Variants in MALRD1 observed in about 807,000 individuals in gnomAD.
MALRD1 encodes the protein MAM and LDL-receptor class A domain-containing protein 1.
In MALRD1, 247 loss-of-function variants were observed where a neutral mutation model predicts 242.1. That is an observed-to-expected ratio of 1.02 (90% CI 0.92 to 1.13). The LOEUF (loss-of-function observed/expected upper bound fraction) is 1.13. MALRD1 is among the 50% of genes most tolerant of loss of function. The pLI is 0.00. For synonymous variants in MALRD1, 995 were observed against 866.6 expected, an observed-to-expected ratio of 1.15 and a Z score of -2.60; for missense variants, 2,989 against 2,533.1, an observed-to-expected ratio of 1.18 and a Z score of -3.86.
intron 28 of MALRD1, among the ~76,000 whole-genome samples, chr10:19,393,421 A>T (rs1204906980): frequency 1.3e-5 from 2 of 149,954 alleles, no homozygotes; most frequent in Non-Finnish European, 3.0e-5. Context: ...TTTTCTAGTC[A>T]CTTGTTTCCT....
intron 17 of MALRD1, among the ~76,000 whole-genome samples, 163 bp from the exon 18 acceptor site, chr10:19,209,103 CTT>C (rs933880905): frequency 2.6e-5 from 4 of 151,880 alleles, no homozygotes; most frequent in Admixed American, 6.6e-5. Flanking sequence ...AACAAAAACT[CTT>C]TTTTTAAAAA....
chr10:19,712,841 A>T (rs1181385588), intron 38 of MALRD1, among the ~76,000 whole-genome samples: 6 of 152,206 alleles, frequency 3.9e-5, no homozygotes, highest in African/African-American at 1.4e-4. Flanking sequence ...TAGCCAGCAA[A>T]AGCATGTTGA....
At chr10:19,275,073 TTTTC>T (rs1190122959) in intron 19 of MALRD1, among the ~76,000 whole-genome samples, 1 of 151,986 alleles carries the variant, frequency 6.6e-6, no homozygotes, top group Non-Finnish European at 1.5e-5. Flanking sequence ...TATAGAAAGG[TTTTC>T]TTTCTTTCTA....
At chr10:19,713,405 C>T (rs1339612863) in intron 38 of MALRD1, among the ~76,000 whole-genome samples, 1 of 152,160 alleles carries the variant, frequency 6.6e-6, no homozygotes, top group Admixed American at 6.5e-5. Context: ...AGTTGGAGCT[C>T]AAATAATGTT....
chr10:19,680,611 T>C (rs982949475), intron 36 of MALRD1, among the ~76,000 whole-genome samples: 10 of 152,154 alleles, frequency 6.6e-5, no homozygotes, highest in African/African-American at 1.4e-4. Flanking sequence ...CTGTGTCTTT[T>C]AACTGGGGCA....
intron 39 of MALRD1, among the ~76,000 whole-genome samples, chr10:19,733,005 T>C (rs1835356892): frequency 6.6e-6 from 1 of 152,240 alleles, no homozygotes; most frequent in South Asian, 2.1e-4. Flanking sequence ...CTGACCTTTG[T>C]GGCTATTTTG....
chr10:19,085,375 A>T (rs1478551747), intron 2 of MALRD1, among the ~76,000 whole-genome samples: 2 of 152,024 alleles, frequency 1.3e-5, no homozygotes, highest in African/African-American at 2.4e-5. Flanking sequence ...ATACTAAAGG[A>T]GCAAGGTAAA....
chr10:19,314,822 T>C (rs542655426), intron 21 of MALRD1, among the ~76,000 whole-genome samples: 1 of 151,286 alleles, frequency 6.6e-6, no homozygotes, highest in East Asian at 1.9e-4. Flanking sequence ...ACCAAAAAAA[T>C]TTCTGACCCC....
chr10:19,226,083 G>T (rs973921287), intron 18 of MALRD1, among the ~76,000 whole-genome samples: 1 of 152,042 alleles, frequency 6.6e-6, no homozygotes, highest in African/African-American at 2.4e-5. Context: ...TAACCATTAT[G>T]AACTTAGATG....
intron 5 of MALRD1, among the ~76,000 whole-genome samples, chr10:19,111,233 C>G (rs1005883781): frequency 6.6e-6 from 1 of 152,058 alleles, no homozygotes; most frequent in South Asian, 2.1e-4. Flanking sequence ...CAAAAGCAAT[C>G]ATAGTACAAG....
intron 29 of MALRD1, among the ~76,000 whole-genome samples, chr10:19,452,787 A>T (rs1166066189): frequency 6.6e-6 from 1 of 152,104 alleles, no homozygotes; most frequent in East Asian, 1.9e-4. Flanking sequence ...AGATGGTGAG[A>T]ATGGTATTTA....
chr10:19,124,418 T>C, intron 6 of MALRD1, 106 bp from the exon 7 acceptor site: 1 of 916,810 alleles, frequency 1.1e-6, no homozygotes. Context: ...TGTGTGCTGA[T>C]GTGTATGTGT....
intron 7 of MALRD1, among the ~76,000 whole-genome samples, chr10:19,125,317 CCTTCCTT>C (rs1564407887): frequency 6.7e-4 from 52 of 77,976 alleles, no homozygotes; most frequent in African/African-American, 2.7e-3. Flanking sequence ...TTCCTTCCTT[CCTTCCTT>C]CTTTCTTTCT....
chr10:19,510,973 A>G (rs1833376872), intron 31 of MALRD1, among the ~76,000 whole-genome samples: 1 of 152,216 alleles, frequency 6.6e-6, no homozygotes, highest in Admixed American at 6.5e-5. Flanking sequence ...GCCAACAGGT[A>G]GTCCAAAACA....
At chr10:19,550,613 G>A (rs1201344324) in intron 32 of MALRD1, among the ~76,000 whole-genome samples, 1 of 152,044 alleles carries the variant, frequency 6.6e-6, no homozygotes, top group Non-Finnish European at 1.5e-5. Flanking sequence ...TTCTGTTCCA[G>A]CATTAGTTTC....
intron 18 of MALRD1, among the ~76,000 whole-genome samples, chr10:19,241,482 GT>G (rs1838771762): frequency 1.3e-5 from 2 of 151,754 alleles, no homozygotes; most frequent in Admixed American, 1.3e-4. Flanking sequence ...TTAGCTAAAG[GT>G]TTGTCAGTTT....
At chr10:19,490,939 G>A (rs10827498) in intron 29 of MALRD1, 70,971 of 171,680 alleles carry the variant, frequency 0.41, 15,681 homozygotes, top group Non-Finnish European at 0.49. Context: ...CCCCATGGGA[G>A]TCAGGAAAAG....
chr10:19,109,624 G>A (rs906462303), intron 5 of MALRD1, among the ~76,000 whole-genome samples: 1 of 152,226 alleles, frequency 6.6e-6, no homozygotes, highest in African/African-American at 2.4e-5. Flanking sequence ...GATAGCTATA[G>A]CTTCTTGGAT....
chr10:19,572,573 T>C (rs147174287), intron 33 of MALRD1, among the ~76,000 whole-genome samples: 20 of 152,298 alleles, frequency 1.3e-4, no homozygotes, highest in Middle Eastern at 3.4e-3. Flanking sequence ...AGAAGTTGGC[T>C]GGTATACTGG....
Sources: allele counts gnomAD v4.1 joint callset (sites outside exome capture counted in the v4.1 genomes callset), GRCh38; gene constraint gnomAD v4.1.1; transcripts MANE v1.5; gene names NCBI Gene and HGNC (gene_info 2026-07-23, HGNC 2026-07-21).